MAST4: variants seen among roughly 807,000 people sequenced by gnomAD.
The protein encoded by MAST4 is microtubule associated serine/threonine kinase family member 4.
MAST4 carries 89 observed loss-of-function variants against 162.7 expected under a neutral mutation model. The observed-to-expected ratio is 0.55, with a 90% confidence interval of 0.46 to 0.65. MAST4 has a LOEUF of 0.65. Ranked by LOEUF, MAST4 falls within the 30% of genes least tolerant of loss-of-function variation. MAST4 has a pLI of 0.00. For missense variants in MAST4, 3,153 were observed against 3,374.0 expected (o/e 0.93, Z 1.62); for synonymous variants, 1,479 against 1,361.1 (o/e 1.09, Z -1.91).
chr5:66,775,106 G>A (rs1661643934), intron 2 of MAST4, among the ~76,000 whole-genome samples: 1 of 151,578 alleles, frequency 6.6e-6, no homozygotes, highest in South Asian at 2.1e-4. Context: ...ATGATATACT[G>A]TACTCTTTGA....
chr5:67,024,005 C>T (rs971581507), intron 4 of MAST4, among the ~76,000 whole-genome samples: 16 of 151,948 alleles, frequency 1.1e-4, no homozygotes, highest in African/African-American at 3.9e-4. Context: ...TGTGCAGCCA[C>T]AGAACTCCTT....
rs904192352 is a variant in MAST4, at chr5:66,783,963, T to C, written c.518-4707T>C. ...CTCATTGAGCCAGGGTCCTAGCTTA[T>C]GAATTTCCTGTACTGAGGCCTTACC... On this transcript the variant is annotated intron_variant, in intron 2 of 28. Coordinates refer to ENST00000403625, the MANE Select transcript of MAST4 (RefSeq NM_001164664.2). 2.0e-5 allele frequency among the ~76,000 whole-genome samples: 3 copies of C among 152,136 alleles called. No individual in the cohort carries two copies. In the East Asian group the frequency reaches 5.8e-4, roughly 29 times the overall value.
intron 1 of MAST4, among the ~76,000 whole-genome samples, chr5:66,719,294 A>G (rs1580284292): frequency 6.6e-6 from 1 of 152,210 alleles, no homozygotes; most frequent in African/African-American, 2.4e-5. Context: ...TGGAGGAAAT[A>G]TAAACTAGTT....
At chr5:67,000,996 A>G (rs1751231292) in intron 4 of MAST4, among the ~76,000 whole-genome samples, 1 of 152,218 alleles carries the variant, frequency 6.6e-6, no homozygotes, top group African/African-American at 2.4e-5. Flanking sequence ...GAAAGTTCTG[A>G]ACCACAAAGC....
intron 3 of MAST4, among the ~76,000 whole-genome samples, chr5:66,892,365 C>T (rs977924005): frequency 1.3e-5 from 2 of 152,162 alleles, no homozygotes; most frequent in Non-Finnish European, 2.9e-5. Context: ...CAGGCCTTTT[C>T]ACACTGTATT....
chr5:67,165,295 G>A lies in MAST4; in HGVS notation c.6116G>A (p.Gly2039Asp). The change falls in exon 29 of 29, where the codon GGT (glycine) becomes GAT (aspartate). Residue 2039 changes from glycine to aspartate, a missense_variant. Gly to Asp is a moderately conservative substitution (Grantham distance 94). Around this residue, in one of 7 missense-constraint regions of MAST4, gnomAD observed 1,644 missense variants for 1,495.0 expected, o/e 1.10. Coordinates refer to ENST00000403625, the MANE Select transcript of MAST4 (RefSeq NM_001164664.2). ...GCCATGGAGAAAGCATGGGCGCCGG[G>A]TGGGAAAACGAACCACAAAGATGGC... ...TQAMEKAWAP[G>D]GKTNHKDGPG... is the part of the protein sequence containing the mutation. 6.2e-7 allele frequency: 1 copy of A among 1,613,512 alleles called. No individual in the cohort carries two copies. Among genetic ancestry groups the A allele is most frequent in the Non-Finnish European group, 8.5e-7 (1 of 1,179,892 alleles).
intron 6 of MAST4, chr5:67,094,220 AT>A: frequency 7.8e-7 from 1 of 1,279,416 alleles, no homozygotes; most frequent in Non-Finnish European, 1.1e-6. Context: ...GTCCACTTGA[AT>A]TTTTCCGTCT....
At chr5:66,678,559 A>G (rs1310686839) in intron 1 of MAST4, among the ~76,000 whole-genome samples, 2 of 151,258 alleles carry the variant, frequency 1.3e-5, no homozygotes, top group Non-Finnish European at 2.9e-5. Flanking sequence ...CAGTGACACG[A>G]TCTCGGCTCA....
intron 4 of MAST4, among the ~76,000 whole-genome samples, chr5:66,911,302 C>T (rs1357254887): frequency 6.6e-6 from 1 of 152,160 alleles, no homozygotes; most frequent in Non-Finnish European, 1.5e-5. Flanking sequence ...TTACTGACTA[C>T]AGTCTATATG....
At chr5:66,631,470 T>A (rs955977003) in intron 1 of MAST4, among the ~76,000 whole-genome samples, 2 of 152,098 alleles carry the variant, frequency 1.3e-5, no homozygotes. Context: ...GTAAGACACA[T>A]ATACACACGA....
intron 1 of MAST4, among the ~76,000 whole-genome samples, chr5:66,649,988 T>C (rs1253208581): frequency 1.3e-5 from 2 of 151,890 alleles, no homozygotes; most frequent in East Asian, 3.8e-4. Flanking sequence ...CTTTTTTTTT[T>C]CTTTTTCAAA....
intron 1 of MAST4, among the ~76,000 whole-genome samples, chr5:66,608,079 T>TTTTA (rs1743014905): frequency 6.8e-6 from 1 of 147,960 alleles, no homozygotes; most frequent in Non-Finnish European, 1.5e-5. Flanking sequence ...TTTTTTTTTT[T>TTTTA]GAGACAGAGT....
Position 66,929,423 on chromosome 5 carries a change from A to C in MAST4, c.674+29441A>C, listed in dbSNP as rs1249066061. Among the ~76,000 whole-genome samples, 5 of 152,266 alleles carry C rather than the reference A, an allele frequency of 3.3e-5. No homozygotes were observed. The South Asian group carries it at 1.0e-3, about 32-fold the overall frequency. ...TCTTCTTCACTTAGTTCATGGACTC[A>C]TATGTCAATCAGTCTCCTCTGGACA... On this transcript the variant is annotated intron_variant, in intron 4 of 28. Transcript: ENST00000403625.
chr5:67,037,870 A>ATT lies in MAST4; in HGVS notation c.675-16526_675-16525dup, dbSNP rs11384871. Among the ~76,000 whole-genome samples the ATT allele has an allele frequency of 1.1e-3, 171 of 151,046 alleles. 2 individuals carry two copies. In the South Asian group the frequency reaches 0.014, roughly 13 times the overall value. ...ATGATGCTAGACTCATTGCCCAGGG[A>ATT]TTTTTTTTTCTTTTTTAAAACTAGA... On this transcript the variant is annotated intron_variant, in intron 4 of 28. Transcript: ENST00000403625.
rs533601173 is a variant in MAST4 at position 67,165,354 on chromosome 5, T to A, written c.6175T>A (p.Ser2059Thr). 2.2e-4 allele frequency: 351 copies of A among 1,612,832 alleles called. No homozygotes were observed. Among genetic ancestry groups the A allele is most frequent in the African/African-American group, 4.8e-4 (36 of 74,920 alleles). The change falls in exon 29 of 29, where the codon TCC (serine) becomes ACC (threonine). Residue 2059 changes from serine (S) to threonine (T), a missense_variant. Coordinates refer to ENST00000403625, the MANE Select transcript of MAST4 (RefSeq NM_001164664.2). ...GGCGAGGCCCCCGCCCAGAGACAAC[T>A]CCTCTCTGCACTCAGCTGGAATTCC... is the stretch of plus-strand genomic sequence containing the variant. ...GEARPPPRDN[S>T]SLHSAGIPCE... is the part of the protein sequence containing the mutation.
At chr5:66,856,063 G>T (rs988682628) in intron 3 of MAST4, among the ~76,000 whole-genome samples, 5 of 152,174 alleles carry the variant, frequency 3.3e-5, no homozygotes, top group African/African-American at 1.2e-4. Flanking sequence ...AGGAGGCTCA[G>T]GTGGGAGGAC....
At chr5:66,734,337 C>G (rs991235765) in intron 1 of MAST4, among the ~76,000 whole-genome samples, 1 of 152,072 alleles carries the variant, frequency 6.6e-6, no homozygotes, top group African/African-American at 2.4e-5. Context: ...GAAGAATAAT[C>G]CATAGAACTT....
chr5:67,132,283 G>A (rs551608159), intron 16 of MAST4, among the ~76,000 whole-genome samples: 2 of 152,140 alleles, frequency 1.3e-5, no homozygotes, highest in South Asian at 2.1e-4. Flanking sequence ...CCATCAATCC[G>A]TCATCTACAT....
intron 1 of MAST4, among the ~76,000 whole-genome samples, chr5:66,716,926 A>G (rs1750876717): frequency 6.6e-6 from 1 of 152,162 alleles, no homozygotes; most frequent in Admixed American, 6.5e-5. Context: ...CCATTCAACA[A>G]ACACATGTCT....
Sources: allele counts gnomAD v4.1 joint callset (sites outside exome capture counted in the v4.1 genomes callset), GRCh38; gene constraint gnomAD v4.1.1; regional missense constraint gnomAD v4.1.1; transcripts MANE v1.5; gene names NCBI Gene and HGNC (gene_info 2026-07-23, HGNC 2026-07-21).